COL11A1: variants seen among roughly 807,000 people sequenced by gnomAD.
COL11A1 encodes the protein collagen type XI alpha 1 chain, also known as collagen alpha-1(XI) chain.
COL11A1 carries 74 observed loss-of-function variants against 265.2 expected under a neutral mutation model. That is an observed-to-expected ratio of 0.28 (90% CI 0.23 to 0.34). The LOEUF (loss-of-function observed/expected upper bound fraction) is 0.34, where lower values mean the gene tolerates loss of function less well. Among genes scored for constraint, COL11A1 ranks in the 10% least tolerant of loss-of-function variants. The pLI, the probability that COL11A1 is intolerant of heterozygous loss-of-function variation, is 1.00. For missense variants in COL11A1, 2,165 were observed against 2,263.6 expected (o/e 0.96, Z 0.88); for synonymous variants, 816 against 727.6 (o/e 1.12, Z -1.96).
intron 65 of COL11A1, among the ~76,000 whole-genome samples, chr1:102,880,753 G>A (rs1650134556): frequency 6.6e-6 from 1 of 151,716 alleles, no homozygotes; most frequent in South Asian, 2.1e-4. Flanking sequence ...GCAGTTATTT[G>A]TTACTTTCTT....
intron 1 of COL11A1, among the ~76,000 whole-genome samples, chr1:103,104,570 G>T (rs1252330759): frequency 6.6e-6 from 1 of 152,096 alleles, no homozygotes; most frequent in African/African-American, 2.4e-5. Flanking sequence ...CCTCAGTTAA[G>T]TATTAATTAT....
intron 49 of COL11A1, among the ~76,000 whole-genome samples, chr1:102,916,127 T>C (rs1041872670): frequency 2.0e-5 from 3 of 152,198 alleles, no homozygotes; most frequent in Admixed American, 2.0e-4. Context: ...GGTACATATG[T>C]TGATATTTTA....
intron 4 of COL11A1, among the ~76,000 whole-genome samples, chr1:103,048,998 T>G (rs1442103553): frequency 6.6e-6 from 1 of 152,196 alleles, no homozygotes; most frequent in African/African-American, 2.4e-5. Context: ...TTACATTTGC[T>G]GAGGAGTGCT....
intron 41 of COL11A1, among the ~76,000 whole-genome samples, chr1:102,957,221 C>T (rs1334726700): frequency 6.6e-6 from 1 of 151,940 alleles, no homozygotes. Context: ...GCTAAATATA[C>T]TTATAAATGA....
chr1:102,938,652 A>T (rs933146367), intron 44 of COL11A1, among the ~76,000 whole-genome samples: 2 of 152,138 alleles, frequency 1.3e-5, no homozygotes, highest in African/African-American at 4.8e-5. Flanking sequence ...GAAAAATTTT[A>T]AAATAAGTAT....
intron 4 of COL11A1, among the ~76,000 whole-genome samples, chr1:103,068,638 A>T (rs1406239931): frequency 1.3e-5 from 2 of 151,574 alleles, no homozygotes; most frequent in Admixed American, 6.6e-5. Context: ...AGTAAAAAGC[A>T]TAAAGATAGA....
In COL11A1 at chr1:102,998,378, A is replaced by C; in HGVS notation, c.2143-15T>G. 1 of 1,528,540 alleles carries C rather than the reference A, an allele frequency of 6.5e-7. No individual in the cohort carries two copies. The allele number at this position is 1,528,540 out of a possible 1,614,324, so 94.7% of individuals were successfully genotyped here. A position where few individuals can be genotyped will look rare whatever the true frequency, so the allele number is the denominator to read the frequency against. On this transcript the variant is annotated splice_polypyrimidine_tract_variant and intron_variant, in intron 24 of 66. Transcript: ENST00000370096. Reference sequence around the variant, plus strand: ...CCTTGTGGTCCCTTATAGAGAAAAAAAAAATATTAAAAAGATAAAAATAAT... The same window carrying C: ...CCTTGTGGTCCCTTATAGAGAAAAACAAAATATTAAAAAGATAAAAATAAT...
At position 102,979,453 on chromosome 1, in the gene COL11A1, A is replaced by T. The variant is rs761299329; in HGVS notation, c.2557-18T>A. On this transcript the variant is annotated intron_variant, in intron 31 of 66. Transcript: ENST00000370096. Reference sequence around the variant, plus strand: ...GTGGAACCCTACAATAATAAAAGTAAATAATGAATAAACATGGCAATTAAC... The same window carrying T: ...GTGGAACCCTACAATAATAAAAGTATATAATGAATAAACATGGCAATTAAC... 6.4e-7 allele frequency: 1 copy of T among 1,555,252 alleles called. No individual in the cohort carries two copies. Among genetic ancestry groups the T allele is most frequent in the Non-Finnish European group, 8.9e-7 (1 of 1,127,388 alleles).
At chr1:103,087,725 T>G (rs1344031798) in intron 1 of COL11A1, among the ~76,000 whole-genome samples, 1 of 152,216 alleles carries the variant, frequency 6.6e-6, no homozygotes, top group African/African-American at 2.4e-5. Context: ...TAATGCATCT[T>G]CTGCAGAAAA....
At chr1:103,068,920 C>T (rs1027252490) in intron 4 of COL11A1, among the ~76,000 whole-genome samples, 3 of 150,770 alleles carry the variant, frequency 2.0e-5, no homozygotes, top group Non-Finnish European at 4.5e-5. Flanking sequence ...AAAAATTAAA[C>T]AAGACCAAAA....
intron 58 of COL11A1, 144 bp downstream of exon 58, chr1:102,890,307 G>A (rs972251187): frequency 4.3e-6 from 3 of 696,016 alleles, no homozygotes; most frequent in African/African-American, 3.7e-5. Flanking sequence ...ATACATCTGG[G>A]AAGCTAAGGA....
chr1:102,936,005 G>A (rs979540057), intron 44 of COL11A1, among the ~76,000 whole-genome samples: 5 of 152,034 alleles, frequency 3.3e-5, no homozygotes, highest in African/African-American at 7.2e-5. Context: ...TATCATGTTG[G>A]TAGCTACCAT....
rs1667440373 is a variant in COL11A1 at position 103,025,509 on chromosome 1, T to A, written c.990+12A>T. ...AGTGGGACTGTGATTTAATACTGTC[T>A]ATACGTATTACCTCATTTGTCCCAG... On this transcript the variant is annotated intron_variant, in intron 7 of 66. Transcript: ENST00000370096. The A allele has an allele frequency of 1.9e-6, 3 of 1,558,394 alleles. No individual in the cohort carries two copies. Among genetic ancestry groups the A allele is most frequent in the Non-Finnish European group, 2.7e-6 (3 of 1,129,844 alleles).
intron 1 of COL11A1, among the ~76,000 whole-genome samples, chr1:103,107,721 A>C (rs919857577): frequency 1.3e-5 from 2 of 152,104 alleles, no homozygotes; most frequent in Non-Finnish European, 2.9e-5. Context: ...CAGTCTAAAG[A>C]CTGTGCCTCA....
At chr1:102,993,060 G>A (rs1664290892) in intron 28 of COL11A1, among the ~76,000 whole-genome samples, 1 of 151,948 alleles carries the variant, frequency 6.6e-6, no homozygotes, top group Non-Finnish European at 1.5e-5. Flanking sequence ...CTCCTAGCAA[G>A]TTTCAGCAGT....
intron 42 of COL11A1, among the ~76,000 whole-genome samples, chr1:102,944,852 G>A (rs1342652738): frequency 6.6e-6 from 1 of 151,978 alleles, no homozygotes; most frequent in East Asian, 1.9e-4. Context: ...TGCAAAATAT[G>A]TGTTCCCTAT....
chr1:102,885,274 T>C (rs1385776640), intron 63 of COL11A1, among the ~76,000 whole-genome samples: 1 of 152,162 alleles, frequency 6.6e-6, no homozygotes, highest in Admixed American at 6.6e-5. Flanking sequence ...CCTTTTTTTT[T>C]ATAGGGGTGT....
chr1:102,956,354 C>T (rs1272603682), intron 41 of COL11A1, among the ~76,000 whole-genome samples: 5 of 152,030 alleles, frequency 3.3e-5, no homozygotes, highest in East Asian at 3.9e-4. Flanking sequence ...CCTCAGTAAA[C>T]CATAAGCTCT....
intron 26 of COL11A1, 32 bp downstream of exon 26, chr1:102,997,048 T>C: frequency 1.3e-6 from 2 of 1,587,194 alleles, no homozygotes; most frequent in South Asian, 1.1e-5. Flanking sequence ...AATTTATTAA[T>C]AGGACATTTA....
Sources: gnomAD v4.1 joint callset for allele counts (sites outside exome capture counted in the v4.1 genomes callset) on GRCh38, gnomAD v4.1.1 for gene constraint, MANE v1.5 for transcripts, NCBI Gene and HGNC (gene_info 2026-07-23, HGNC 2026-07-21) for gene names.